LIPA: variants seen among roughly 807,000 people sequenced by gnomAD.
The protein encoded by LIPA is lysosomal acid lipase/cholesteryl ester hydrolase.
LIPA carries 26 observed loss-of-function variants against 40.6 expected under a neutral mutation model. The ratio of observed to expected loss-of-function variants is 0.64; its 90% confidence interval spans 0.47 to 0.89. LIPA has a LOEUF of 0.89. Among genes scored for constraint, LIPA ranks in the 40% least tolerant of loss-of-function variants. The pLI is 0.00. For missense variants in LIPA, 455 were observed against 479.6 expected (o/e 0.95, Z 0.48); for synonymous variants, 188 against 168.4 (o/e 1.12, Z -0.90).
At position 89,324,210 on chromosome 10, in the gene LIPA, C is replaced by T. The variant is rs1589600971; in HGVS notation, c.-2+18401G>A. Among the ~76,000 whole-genome samples, 3 of 152,050 alleles carry T rather than the reference C, an allele frequency of 2.0e-5. No homozygotes were observed. In the South Asian group the frequency reaches 6.2e-4, roughly 32 times the overall value. On this transcript the variant is annotated intron_variant, in intron 1 of 5. Coordinates refer to the LIPA transcript ENST00000282673. ...GACCAATGGAACAGAATAGAGAGCCCAAACTTAAGGGCACACACCTACAGC... is the reference window on the plus strand; with the variant it reads ...GACCAATGGAACAGAATAGAGAGCCTAAACTTAAGGGCACACACCTACAGC...
At chr10:89,230,719 G>A (rs1036377566) in intron 3 of LIPA, among the ~76,000 whole-genome samples, 1 of 152,176 alleles carries the variant, frequency 6.6e-6, no homozygotes, top group Non-Finnish European at 1.5e-5. Flanking sequence ...TCCCTGAAGA[G>A]TAGAAATGAT....
At position 89,228,207 on chromosome 10, in the gene LIPA, C is replaced by G; in HGVS notation, c.421G>C (p.Ala141Pro). ...TTATCAATTCATATATACCTGAAAG[C>G]CCAGAATTCATCCTGAGAAACTGAG... ...TLSVSQDEFW[A>P]FSYDEMAKYD... Residue 141 changes from alanine to proline, a missense_variant, in exon 4 of 10, where the codon GCT (alanine) becomes CCT (proline). Coordinates refer to ENST00000336233, the MANE Select transcript of LIPA (RefSeq NM_000235.4). The G allele has an allele frequency of 6.2e-7, 1 of 1,613,686 alleles. No homozygotes were observed. The highest frequency in any genetic ancestry group is 8.5e-7 in the Non-Finnish European group (1 of 1,179,596).
At chr10:89,215,131 G>A (rs1842608285) in intron 9 of LIPA, 70 bp from the exon 10 acceptor site, 10 of 1,104,890 alleles carry the variant, frequency 9.1e-6, no homozygotes, top group East Asian at 4.7e-5. Context: ...CACAATAAGC[G>A]CAATCTCCAT....
intron 1 of LIPA, chr10:89,328,046 C>CG: frequency 6.2e-7 from 1 of 1,613,684 alleles, no homozygotes; most frequent in East Asian, 2.2e-5. Context: ...ACCAGCTTTT[C>CG]GGAACAGCAG....
intron 1 of LIPA, among the ~76,000 whole-genome samples, chr10:89,337,654 C>T (rs913932548): frequency 2.0e-5 from 3 of 152,248 alleles, no homozygotes; most frequent in African/African-American, 7.2e-5. Flanking sequence ...CCGCCTTGGC[C>T]TCCCAAAGTG....
At chr10:89,381,661 T>C (rs766425518) in intron 2 of LIPA, among the ~76,000 whole-genome samples, 3 of 152,186 alleles carry the variant, frequency 2.0e-5, no homozygotes, top group Non-Finnish European at 4.4e-5. Context: ...GAGGGCTGTG[T>C]TGAGCTGCCA....
At chr10:89,395,074 T>A (rs1290579276) in intron 2 of LIPA, among the ~76,000 whole-genome samples, 1 of 152,140 alleles carries the variant, frequency 6.6e-6, no homozygotes, top group African/African-American at 2.4e-5. Context: ...CTTTTTCCAG[T>A]TCCTCAATGT....
chr10:89,384,289 AT>A (rs1589628571), intron 2 of LIPA: 1 of 1,614,078 alleles, frequency 6.2e-7, no homozygotes, highest in African/African-American at 1.3e-5. Flanking sequence ...TCAATTGGCT[AT>A]ATGCAAATTT....
intron 1 of LIPA, among the ~76,000 whole-genome samples, chr10:89,299,216 A>T (rs2133515328): frequency 6.6e-6 from 1 of 151,982 alleles, no homozygotes; most frequent in Middle Eastern, 3.4e-3. Context: ...ATATACAAGA[A>T]GCTTCAACAG....
At chr10:89,412,505 C>T (rs991027266) in intron 2 of LIPA, 1 of 181,944 alleles carries the variant, frequency 5.5e-6, no homozygotes, top group Non-Finnish European at 1.2e-5. Context: ...AAGCAGGCCA[C>T]CCCAGCCAGC....
intron 2 of LIPA, chr10:89,362,811 G>T: frequency 2.2e-6 from 1 of 454,990 alleles, no homozygotes. Context: ...AAAGGCTCTA[G>T]AGGTGGGCCC....
intron 1 of LIPA, among the ~76,000 whole-genome samples, chr10:89,301,264 A>G (rs1843443714): frequency 6.6e-6 from 1 of 152,220 alleles, no homozygotes; most frequent in Admixed American, 6.5e-5. Context: ...GTCAACAACT[A>G]CTTTTGGAAT....
In LIPA at chr10:89,268,428, T is replaced by G. The variant is rs150479169; in HGVS notation, c.-1-20779A>C. The stretch of plus-strand genomic sequence containing the variant: ...ATATTTTTCCTGACAGTAATTTTTT[T>G]TATAAATCCAATTTATTTGCTGATT... On this transcript the variant is annotated intron_variant, in intron 1 of 5. Coordinates refer to the LIPA transcript ENST00000282673. Among the ~76,000 whole-genome samples the G allele has an allele frequency of 6.6e-5, 10 of 152,378 alleles. No homozygotes were observed. In the East Asian group the frequency reaches 1.9e-3, roughly 29 times the overall value.
At chr10:89,351,968 C>A (rs1409005962) in intron 2 of LIPA, among the ~76,000 whole-genome samples, 1 of 152,160 alleles carries the variant, frequency 6.6e-6, no homozygotes, top group Admixed American at 6.5e-5. Context: ...ACATAATATA[C>A]CCCCTCTTGG....
At chr10:89,393,964 C>G (rs1844295619) in intron 2 of LIPA, among the ~76,000 whole-genome samples, 2 of 152,274 alleles carry the variant, frequency 1.3e-5, no homozygotes, top group South Asian at 2.1e-4. Flanking sequence ...TAAGTGACAG[C>G]CTGGCTTCTA....
At chr10:89,301,961 C>T in intron 1 of LIPA, 2 of 561,860 alleles carry the variant, frequency 3.6e-6, no homozygotes, top group Non-Finnish European at 3.1e-6. Context: ...TTTCACTTTC[C>T]CTTTTGTAAC....
In LIPA at chr10:89,383,374, T is replaced by G. The variant is rs181061050; in HGVS notation, c.61+29417A>C. On this transcript the variant is annotated intron_variant, in intron 2 of 8. Coordinates refer to the LIPA transcript ENST00000371837. The stretch of plus-strand genomic sequence containing the variant: ...CAGCCTGATTCAGCTGAGATGTCAC[T>G]TTACATGGAAGTTGTTAATTGAAGC... 12 of 1,614,218 alleles carry G rather than the reference T, an allele frequency of 7.4e-6. No homozygotes were observed. In the East Asian group the frequency reaches 2.2e-4, roughly 30 times the overall value.
At chr10:89,327,772 A>T (rs1436756487) in intron 1 of LIPA, 1 of 390,372 alleles carries the variant, frequency 2.6e-6, no homozygotes, top group African/African-American at 2.1e-5. Flanking sequence ...ACATTCTCTC[A>T]AACAAATTTT....
At chr10:89,329,030 T>A (rs1843624906) in intron 1 of LIPA, among the ~76,000 whole-genome samples, 1 of 152,194 alleles carries the variant, frequency 6.6e-6, no homozygotes. Context: ...TTTTTAAATT[T>A]ATATATTGAC....
Sources: allele counts gnomAD v4.1 joint callset (sites outside exome capture counted in the v4.1 genomes callset), GRCh38; gene constraint gnomAD v4.1.1; transcripts MANE v1.5; gene names NCBI Gene and HGNC (gene_info 2026-07-23, HGNC 2026-07-21).